The following ESR2 variants were observed in gnomAD, a reference collection of about 807,000 sequenced individuals.
ESR2 encodes the protein estrogen receptor 2.
A neutral mutation model predicts 49.6 loss-of-function variants in ESR2; 36 were observed. The observed-to-expected ratio is 0.73, with a 90% confidence interval of 0.56 to 0.96. The LOEUF is 0.96. ESR2 is among the 40% of genes least tolerant of loss of function. ESR2 has a pLI of 0.00. For synonymous variants in ESR2, 320 were observed against 266.1 expected (o/e 1.20, Z -1.97); for missense variants, 714 against 693.0 (o/e 1.03, Z -0.34).
intron 1 of ESR2, among the ~76,000 whole-genome samples, chr14:64,328,208 C>T (rs537459613): frequency 7.9e-4 from 120 of 152,062 alleles, no homozygotes; most frequent in African/African-American, 2.6e-3. Context: ...GGTGACACAA[C>T]GAGACTTCGT....
intron 1 of ESR2, among the ~76,000 whole-genome samples, chr14:64,302,390 T>C (rs1216973770): frequency 6.6e-6 from 1 of 151,570 alleles, no homozygotes; most frequent in Non-Finnish European, 1.5e-5. Flanking sequence ...AATTTCACCG[T>C]GTTAGCCAGG....
At chr14:64,320,773 T>G (rs2140894760) in intron 1 of ESR2, among the ~76,000 whole-genome samples, 1 of 152,210 alleles carries the variant, frequency 6.6e-6, no homozygotes, top group East Asian at 1.9e-4. Context: ...TGCATGTGTG[T>G]AATCCCAGCT....
intron 1 of ESR2, among the ~76,000 whole-genome samples, chr14:64,284,727 C>A (rs1265758993): frequency 1.3e-5 from 2 of 152,148 alleles, no homozygotes; most frequent in African/African-American, 4.8e-5. Flanking sequence ...ATCATAGTTA[C>A]CTTTGACTTC....
At chr14:64,276,200 CAG>C (rs1338755240) in intron 3 of ESR2, among the ~76,000 whole-genome samples, 1 of 152,016 alleles carries the variant, frequency 6.6e-6, no homozygotes, top group Non-Finnish European at 1.5e-5. Context: ...ATATCAAAAT[CAG>C]AGTCAAGTGG....
intron 1 of ESR2, among the ~76,000 whole-genome samples, chr14:64,292,819 CCT>C (rs2076894513): frequency 6.6e-6 from 1 of 152,074 alleles, no homozygotes. Flanking sequence ...CTAAATTCTA[CCT>C]TTTCTGAATT....
At chr14:64,256,715 A>G (rs1276625982) in intron 6 of ESR2, among the ~76,000 whole-genome samples, 1 of 152,014 alleles carries the variant, frequency 6.6e-6, no homozygotes, top group African/African-American at 2.4e-5. Context: ...AGCAACAGAG[A>G]GAGACTCCAT....
chr14:64,290,073 G>A (rs2076846622), intron 1 of ESR2, among the ~76,000 whole-genome samples: 1 of 152,100 alleles, frequency 6.6e-6, no homozygotes, highest in African/African-American at 2.4e-5. Flanking sequence ...ACAATTATTA[G>A]CTTTTTTGGG....
At chr14:64,277,100 T>C (rs2140797813) in intron 3 of ESR2, among the ~76,000 whole-genome samples, 1 of 152,188 alleles carries the variant, frequency 6.6e-6, no homozygotes, top group South Asian at 2.1e-4. Context: ...AGTGATGAGG[T>C]CCTTCTCCCT....
At chr14:64,320,095 C>A (rs181702482) in intron 1 of ESR2, among the ~76,000 whole-genome samples, 155 of 144,624 alleles carry the variant, frequency 1.1e-3, no homozygotes, top group African/African-American at 3.9e-3. Context: ...ATATTATTTG[C>A]AAAAAAAAAA....
At chr14:64,288,023 A>G (rs548335094) in intron 1 of ESR2, among the ~76,000 whole-genome samples, 4 of 152,240 alleles carry the variant, frequency 2.6e-5, no homozygotes, top group African/African-American at 9.6e-5. Context: ...TTGCATGTCA[A>G]TTTTCTTTAG....
At chr14:64,305,486 C>T (rs761865103) in intron 1 of ESR2, among the ~76,000 whole-genome samples, 21 of 150,850 alleles carry the variant, frequency 1.4e-4, no homozygotes, top group Middle Eastern at 6.9e-3. Context: ...CTGGCTAACA[C>T]AGTGAAACCC....
chr14:64,281,119 AAAAAGAAGAGAG>A (rs2076658739), intron 2 of ESR2, among the ~76,000 whole-genome samples: 1 of 152,174 alleles, frequency 6.6e-6, no homozygotes, highest in African/African-American at 2.4e-5. Context: ...GGGAGAGAGA[AAAAAGAAGAGAG>A]AAGAGAAGAG....
chr14:64,253,466 C>T (rs1334340117), intron 6 of ESR2, among the ~76,000 whole-genome samples: 1 of 152,106 alleles, frequency 6.6e-6, no homozygotes, highest in Non-Finnish European at 1.5e-5. Context: ...GCTGGGATTA[C>T]AGGCGTGAGC....
intron 7 of ESR2, among the ~76,000 whole-genome samples, chr14:64,248,007 A>G (rs957151134): frequency 7.2e-5 from 11 of 152,204 alleles, no homozygotes; most frequent in African/African-American, 2.7e-4. Context: ...CAGCTTGGCC[A>G]ACACAGGGAT....
rs754686565 is a variant in ESR2 at position 64,234,992 on chromosome 14, G to A, written c.1384C>T (p.Leu462=). ...SMRLANLLML[L]SHVRHASNKG... ...TACCTCGCATGCCTGACGTGGGACA[G>A]GAGCATCAGGAGGTTAGCCAGGCGC... Residue 462 remains leucine, a synonymous_variant, in exon 8 of 9, where the codon CTG becomes TTG. Transcript: ENST00000341099. 1.2e-5 allele frequency: 19 copies of A among 1,614,080 alleles called. No homozygotes were observed. The African/African-American group carries it at 2.5e-4, about 22-fold the overall frequency.
At chr14:64,318,455 T>G (rs1273177108) in intron 1 of ESR2, among the ~76,000 whole-genome samples, 2 of 139,294 alleles carry the variant, frequency 1.4e-5, no homozygotes, top group Non-Finnish European at 3.0e-5. Flanking sequence ...GAGCATCCTT[T>G]GAATCTGGGA....
At chr14:64,243,690 G>T (rs920521985) in intron 7 of ESR2, among the ~76,000 whole-genome samples, 2 of 152,194 alleles carry the variant, frequency 1.3e-5, no homozygotes, top group Admixed American at 6.5e-5. Context: ...AGGCTGAGAA[G>T]TGCCCAATAC....
At chr14:64,235,618 G>A (rs577493961) in intron 7 of ESR2, among the ~76,000 whole-genome samples, 104 of 152,320 alleles carry the variant, frequency 6.8e-4, no homozygotes, top group Non-Finnish European at 1.4e-3. Flanking sequence ...TGTACCACGT[G>A]CCGCAGCCAG....
Position 64,282,632 on chromosome 14 carries a change from A to G in ESR2, c.354T>C (p.Pro118=), listed in dbSNP as rs931927484. Residue 118 remains proline (P), a synonymous_variant, in exon 2 of 9, where the codon CCT becomes CCC. Coordinates refer to ENST00000341099, the MANE Select transcript of ESR2 (RefSeq NM_001437.3). ...ATGAAGACTGGACTTACCTGTTTAC[A>G]GGTAAGGTGTGTTCTAGCGATCTTG... ...CEARSLEHTL[P]VNRETLKRKV... is the part of the protein sequence containing the mutation. The G allele has an allele frequency of 6.3e-7, 1 of 1,595,334 alleles. No individual in the cohort carries two copies. Among genetic ancestry groups the G allele is most frequent in the African/African-American group, 1.3e-5 (1 of 74,682 alleles).
Sources: gnomAD v4.1 joint callset for allele counts (sites outside exome capture counted in the v4.1 genomes callset) on GRCh38, gnomAD v4.1.1 for gene constraint, MANE v1.5 for transcripts, NCBI Gene and HGNC (gene_info 2026-07-23, HGNC 2026-07-21) for gene names.